Variants in AP3B2 observed in about 807,000 individuals in gnomAD.
The protein encoded by AP3B2 is AP-3 complex subunit beta-2.
AP3B2 carries 50 observed loss-of-function variants against 126.9 expected under a neutral mutation model. The observed-to-expected ratio is 0.39, with a 90% confidence interval of 0.31 to 0.50. The LOEUF (loss-of-function observed/expected upper bound fraction) is 0.50. Among genes scored for constraint, AP3B2 ranks in the 20% least tolerant of loss-of-function variants. The probability of loss-of-function intolerance (pLI) is 0.79; values close to 1 mark genes in which losing one functional copy is unlikely to be tolerated. For missense variants in AP3B2, 1,177 were observed against 1,426.4 expected, an observed-to-expected ratio of 0.83 and a Z score of 2.82; for synonymous variants, 541 against 565.0, an observed-to-expected ratio of 0.96 and a Z score of 0.60.
Position 82,677,685 on chromosome 15 carries a change from A to G in AP3B2, c.1364T>C (p.Leu455Pro), listed in dbSNP as rs764305032. ...GAAACACTGACCATCACGGTTGGAC[A>G]GCAGCTGCACCAGGCCATTGAGGCA... is the stretch of plus-strand genomic sequence containing the variant. Reference protein sequence around the residue: ...DTCLNGLVQLLSNRDELVVAE... With the variant: ...DTCLNGLVQLPSNRDELVVAE... Residue 455 changes from leucine (L) to proline (P), a missense_variant, in exon 12 of 27, where the codon CTG (leucine) becomes CCG (proline). Coordinates refer to ENST00000535359, the MANE Select transcript of AP3B2 (RefSeq NM_001278512.2). 1.9e-6 allele frequency: 3 copies of G among 1,565,632 alleles called. No homozygotes were observed. The highest frequency in any genetic ancestry group is 2.6e-6 in the Non-Finnish European group (3 of 1,155,214).
chr15:82,660,277 A>T (rs749589145), intron 25 of AP3B2, among the ~76,000 whole-genome samples: 2 of 152,006 alleles, frequency 1.3e-5, no homozygotes, highest in Non-Finnish European at 2.9e-5. Context: ...GCCCCTTGAG[A>T]GTGGCCAGTC....
intron 1 of AP3B2, among the ~76,000 whole-genome samples, chr15:82,709,146 G>C (rs955723677): frequency 1.3e-5 from 2 of 152,122 alleles, no homozygotes; most frequent in African/African-American, 4.8e-5. Context: ...GCAGGGCCAA[G>C]CTGGGAGGCT....
At chr15:82,689,338 A>G (rs769475383) in intron 2 of AP3B2, 40 bp downstream of exon 2, 1 of 1,612,644 alleles carries the variant, frequency 6.2e-7, no homozygotes, top group Non-Finnish European at 8.5e-7. Context: ...TTGGCCACCC[A>G]GGCCCCGCCC....
At chr15:82,670,112 T>TTTGG (rs1555465704) in intron 14 of AP3B2, among the ~76,000 whole-genome samples, 2 of 68,926 alleles carry the variant, frequency 2.9e-5, no homozygotes, top group Non-Finnish European at 6.0e-5. Context: ...TTTTTTTTTT[T>TTTGG]GGCGGGGGGG....
Position 82,680,063 on chromosome 15 carries a change from G to T in AP3B2, c.1110+112C>A. 1.4e-6 allele frequency: 2 copies of T among 1,438,838 alleles called. No homozygotes were observed. The highest frequency in any genetic ancestry group is 9.5e-7 in the Non-Finnish European group (1 of 1,052,700). 89.1% of individuals were successfully genotyped at this position (1,438,838 alleles called of 1,614,324 possible). A position where few individuals can be genotyped will look rare whatever the true frequency, so the allele number is the denominator to read the frequency against. On this transcript the variant is annotated intron_variant, in intron 9 of 26. Coordinates refer to ENST00000535359, the MANE Select transcript of AP3B2 (RefSeq NM_001278512.2). This position sits in a 1 kb window ranked among gnomAD's most constrained non-coding sequence, Gnocchi z 6.1. ...CCTGCCCCATCCTCTGCACAGCCAGGGTATTCCTCCATCTTCCCTTTCCCC... is the reference window on the plus strand; with the variant it reads ...CCTGCCCCATCCTCTGCACAGCCAGTGTATTCCTCCATCTTCCCTTTCCCC...
Position 82,709,770 on chromosome 15 carries a change from G to T in AP3B2, c.-64C>A. 2 of 1,341,256 alleles carry T rather than the reference G, an allele frequency of 1.5e-6. No homozygotes were observed. The highest frequency in any genetic ancestry group is 2.0e-6 in the Non-Finnish European group (2 of 1,018,520). The allele number at this position is 1,341,256 out of a possible 1,614,324, so 83.1% of individuals were successfully genotyped here. On this transcript the variant is annotated 5_prime_UTR_variant, in exon 1 of 27. Coordinates refer to ENST00000535359, the MANE Select transcript of AP3B2 (RefSeq NM_001278512.2). ...GGGCCGGAGGCCGGCTGGAGCGGAG[G>T]AAGGGAAGGCGGGCCGGTCCGGTCC... is the stretch of plus-strand genomic sequence containing the variant.
chr15:82,690,642 CTTTTTTTTTTTTT>C (rs147811093), intron 1 of AP3B2, among the ~76,000 whole-genome samples: 5 of 68,926 alleles, frequency 7.3e-5, no homozygotes, highest in Admixed American at 3.7e-4. Context: ...TTTTCTTCTT[CTTTTTTTTTTTTT>C]TTTTTTTTTT....
chr15:82,682,047 C>CTTTTTTTTTTTTT (rs769028602), intron 4 of AP3B2, among the ~76,000 whole-genome samples: 3 of 79,926 alleles, frequency 3.8e-5, no homozygotes, highest in African/African-American at 1.1e-4. Flanking sequence ...TAGGCCCTTC[C>CTTTTTTTTTTTTT]TTTTTTTTTT....
rs1208353373 is a variant in AP3B2 at position 82,659,515 on chromosome 15, T to C, written c.*45A>G. On this transcript the variant is annotated 3_prime_UTR_variant, in exon 27 of 27. Transcript: ENST00000535359. Reference sequence around the variant, plus strand: ...AGAGAGACTGACAGCCTAGGTGTCATGGGGAGGTATAGATGGGAGCCAAAC... The same window carrying C: ...AGAGAGACTGACAGCCTAGGTGTCACGGGGAGGTATAGATGGGAGCCAAAC... 6.2e-7 allele frequency: 1 copy of C among 1,602,540 alleles called. No individual in the cohort carries two copies. The highest frequency in any genetic ancestry group is 8.5e-7 in the Non-Finnish European group (1 of 1,171,998).
chr15:82,700,396 G>GTTTTTTTTTTTTTTT (rs1567275643), intron 1 of AP3B2, among the ~76,000 whole-genome samples: 5 of 11,266 alleles, frequency 4.4e-4, no homozygotes, highest in African/African-American at 1.3e-3. Context: ...GTGGTGGGTG[G>GTTTTTTTTTTTTTTT]CTTTTTTTTT....
chr15:82,688,536 T>A, intron 4 of AP3B2, 200 bp downstream of exon 4: 1 of 705,470 alleles, frequency 1.4e-6, no homozygotes, highest in South Asian at 1.5e-5. Context: ...ACCCACTTCA[T>A]CTCTTACGCC....
chr15:82,690,920 TGCTGGGATTACAGGCATGAGCCAC>T (rs71156044), intron 1 of AP3B2, among the ~76,000 whole-genome samples: 23 of 148,390 alleles, frequency 1.5e-4, no homozygotes, highest in South Asian at 8.5e-4. Flanking sequence ...CCTCCCAAAG[TGCTGGGATTACAGGCATGAGCCAC>T]GCTGGGATTA....
At chr15:82,690,640 TTC>T in intron 1 of AP3B2, among the ~76,000 whole-genome samples, 1 of 142,698 alleles carries the variant, frequency 7.0e-6, no homozygotes, top group African/African-American at 2.7e-5. Flanking sequence ...CATTTTCTTC[TTC>T]TTTTTTTTTT....
Position 82,659,882 on chromosome 15 carries a change from G to C in AP3B2, c.3118C>G (p.Leu1040Val), listed in dbSNP as rs761462834. 1.2e-5 allele frequency: 19 copies of C among 1,613,884 alleles called. No homozygotes were observed. Among genetic ancestry groups the C allele is most frequent in the Non-Finnish European group, 8.5e-7 (1 of 1,179,898 alleles). Residue 1040 changes from leucine to valine, a missense_variant, in exon 26 of 27, where the codon CTG becomes GTG. Around this residue, in one of 5 missense-constraint regions of AP3B2, gnomAD observed 587 missense variants for 571.3 expected, o/e 1.03. Coordinates refer to ENST00000535359, the MANE Select transcript of AP3B2 (RefSeq NM_001278512.2). ...VVQKVTATAN[L>V]GRVPCGTSDE... ...GATGTCCCACAAGGAACACGACCCA[G>C]GTTGGCAGTGGCAGTCACTTTCTGC...
In AP3B2 at chr15:82,681,670, G is replaced by T; in HGVS notation, c.361-90C>A. 7.2e-7 allele frequency: 1 copy of T among 1,386,620 alleles called. No individual in the cohort carries two copies. The highest frequency in any genetic ancestry group is 1.3e-5 in the South Asian group (1 of 74,734). 85.9% of individuals were successfully genotyped at this position (1,386,620 alleles called of 1,614,324 possible). On this transcript the variant is annotated intron_variant, in intron 4 of 26. Coordinates refer to ENST00000535359, the MANE Select transcript of AP3B2 (RefSeq NM_001278512.2). This position sits in a 1 kb window ranked among gnomAD's most constrained non-coding sequence, Gnocchi z 4.0. Reference sequence around the variant, plus strand: ...ACCTTTGGAAGTCACTGTCCCCAGCGACCACTAGCTCTTGCTTCCCTGCCG... The same window carrying T: ...ACCTTTGGAAGTCACTGTCCCCAGCTACCACTAGCTCTTGCTTCCCTGCCG...
chr15:82,693,698 T>G (rs1477011398), intron 1 of AP3B2, among the ~76,000 whole-genome samples: 2 of 152,126 alleles, frequency 1.3e-5, no homozygotes, highest in Admixed American at 1.3e-4. Context: ...CTAGGTTTAA[T>G]TGGTACGTTT....
Position 82,709,639 on chromosome 15 carries a change from C to T in AP3B2, c.68G>A (p.Gly23Asp). The T allele has an allele frequency of 6.6e-7, 1 of 1,520,986 alleles. No individual in the cohort carries two copies. Among genetic ancestry groups the T allele is most frequent in the East Asian group, 2.7e-5 (1 of 37,430 alleles). The allele number at this position is 1,520,986 out of a possible 1,614,324, so 94.2% of individuals were successfully genotyped here. ...GSAGPGEPEY[G>D]HDPASGGIFS... ...GATGCCGCCGCTCGCGGGGTCGTGG[C>T]CGTACTCGGGCTCCCCGGGGCCAGC... is the stretch of plus-strand genomic sequence containing the variant. The change falls in exon 1 of 27, where the codon GGC (glycine) becomes GAC (aspartate). Residue 23 changes from glycine to aspartate, a missense_variant. Physicochemically the swap from Gly to Asp is moderately conservative, Grantham distance 94. Coordinates refer to ENST00000535359, the MANE Select transcript of AP3B2 (RefSeq NM_001278512.2).
chr15:82,703,003 T>C (rs1314046363), intron 1 of AP3B2, among the ~76,000 whole-genome samples: 1 of 152,156 alleles, frequency 6.6e-6, no homozygotes, highest in Non-Finnish European at 1.5e-5. Context: ...CTTGGTGCCA[T>C]CTTTCAATCT....
At chr15:82,708,894 G>C (rs1596202755) in intron 1 of AP3B2, 1 of 152,358 alleles carries the variant, frequency 6.6e-6, no homozygotes, top group South Asian at 2.1e-4. Context: ...CTAGAGCATC[G>C]TGAGGACAAG....
Sources: gnomAD v4.1 joint callset for allele counts (sites outside exome capture counted in the v4.1 genomes callset) on GRCh38, gnomAD v4.1.1 for gene constraint, gnomAD v4.1.1 regional missense constraint, Gnocchi (gnomAD v3.1) non-coding constraint, MANE v1.5 for transcripts, NCBI Gene and HGNC (gene_info 2026-07-23, HGNC 2026-07-21) for gene names.